Variants in ABI1 observed in about 807,000 individuals in gnomAD.
The protein encoded by ABI1 is abl interactor 1.
Under a neutral mutation model 54.6 loss-of-function variants are expected in ABI1, and 14 were observed. That is an observed-to-expected ratio of 0.26 (90% CI 0.17 to 0.40). ABI1 has a LOEUF of 0.40. Ranked by LOEUF, ABI1 falls within the 10% of genes least tolerant of loss-of-function variation. The pLI, the probability that ABI1 is intolerant of heterozygous loss-of-function variation, is 1.00. For synonymous variants in ABI1, 194 were observed against 209.3 expected (o/e 0.93, Z 0.63); for missense variants, 443 against 598.3 (o/e 0.74, Z 2.71).
chr10:26,807,101 T>C (rs1002045582), intron 2 of ABI1, among the ~76,000 whole-genome samples: 2 of 152,136 alleles, frequency 1.3e-5, no homozygotes, highest in African/African-American at 4.8e-5. Context: ...TCTGCTATAG[T>C]CCTTTAAAAA....
intron 5 of ABI1, among the ~76,000 whole-genome samples, chr10:26,769,601 A>G (rs550654849): frequency 1.1e-4 from 16 of 152,342 alleles, no homozygotes; most frequent in Middle Eastern, 3.4e-3. Flanking sequence ...TTCCAGTATT[A>G]AGAAAAACAA....
chr10:26,807,180 A>G (rs2046928655), intron 2 of ABI1, among the ~76,000 whole-genome samples: 1 of 152,184 alleles, frequency 6.6e-6, no homozygotes. Context: ...CAAACAAAAA[A>G]TGTTTACAGT....
chr10:26,788,314 C>T (rs1368570584), intron 2 of ABI1, among the ~76,000 whole-genome samples: 1 of 152,152 alleles, frequency 6.6e-6, no homozygotes, highest in Non-Finnish European at 1.5e-5. Flanking sequence ...ATGTCTTTAT[C>T]AGCAATGTGA....
chr10:26,761,991 T>A (rs1432575089), intron 7 of ABI1, among the ~76,000 whole-genome samples: 1 of 151,996 alleles, frequency 6.6e-6, no homozygotes, highest in Non-Finnish European at 1.5e-5. Context: ...TCATCATTGA[T>A]CAGTATTTCT....
At chr10:26,789,374 C>T (rs1304414748) in intron 2 of ABI1, among the ~76,000 whole-genome samples, 2 of 152,114 alleles carry the variant, frequency 1.3e-5, no homozygotes, top group South Asian at 2.1e-4. Context: ...GGGGGAATCA[C>T]CTTTTAAAGC....
At chr10:26,833,769 T>TATACACACAC (rs2048841030) in intron 1 of ABI1, among the ~76,000 whole-genome samples, 2 of 150,184 alleles carry the variant, frequency 1.3e-5, no homozygotes, top group African/African-American at 2.5e-5. Context: ...ACAATATTTA[T>TATACACACAC]ACACACACAC....
rs1387779635 is a variant in ABI1 at position 26,755,819 on chromosome 10, GTTACAAGGACCACAAACATAAGTA to G, written c.998-102_998-79del. The G allele has an allele frequency of 3.9e-6, 4 of 1,018,524 alleles. No homozygotes were observed. The Admixed American group carries it at 9.1e-5, about 23-fold the overall frequency. 63.1% of individuals were successfully genotyped at this position (1,018,524 alleles called of 1,614,324 possible). On this transcript the variant is annotated intron_variant, in intron 8 of 10. Transcript: ENST00000376140. ...GGAAACAAACAAAAAGCAGAAGTCA[GTTACAAGGACCACAAACATAAGTA>G]TGCAAAGAACAGTTTGCAAATGAAA...
intron 2 of ABI1, among the ~76,000 whole-genome samples, chr10:26,788,619 C>A (rs1049351542): frequency 6.6e-6 from 1 of 152,088 alleles, no homozygotes; most frequent in Non-Finnish European, 1.5e-5. Flanking sequence ...CATTAAGATA[C>A]CAGCAGTTTG....
intron 1 of ABI1, among the ~76,000 whole-genome samples, chr10:26,830,859 C>T (rs2048624410): frequency 2.0e-5 from 3 of 152,128 alleles, no homozygotes; most frequent in Non-Finnish European, 4.4e-5. Context: ...GCTTGTGCAG[C>T]ATCCATTTCT....
intron 2 of ABI1, among the ~76,000 whole-genome samples, chr10:26,811,258 A>G (rs1380907962): frequency 2.0e-5 from 3 of 152,158 alleles, no homozygotes; most frequent in Non-Finnish European, 1.5e-5. Flanking sequence ...TAGTGCCAAG[A>G]TAAGGCTTTG....
intron 9 of ABI1, among the ~76,000 whole-genome samples, chr10:26,754,948 C>T (rs1052340501): frequency 6.8e-6 from 1 of 146,702 alleles, no homozygotes; most frequent in Admixed American, 6.6e-5. Flanking sequence ...CTTCTCCCCC[C>T]CCACAAAAAA....
intron 2 of ABI1, among the ~76,000 whole-genome samples, chr10:26,802,718 C>T (rs1480198387): frequency 1.3e-5 from 2 of 152,122 alleles, no homozygotes; most frequent in African/African-American, 4.8e-5. Context: ...CAATGTGGAA[C>T]AGAAAGTCAC....
chr10:26,833,867 G>A (rs989446787), intron 1 of ABI1, among the ~76,000 whole-genome samples: 7 of 152,032 alleles, frequency 4.6e-5, no homozygotes, highest in Non-Finnish European at 7.4e-5. Context: ...GGATATTCAT[G>A]CCACCTTTAT....
chr10:26,755,530 T>C (rs1838190134), intron 9 of ABI1, 125 bp downstream of exon 9: 1 of 715,818 alleles, frequency 1.4e-6, no homozygotes, highest in Non-Finnish European at 2.3e-6. Flanking sequence ...TTCAGTAACA[T>C]GTCTGCACCT....
At chr10:26,758,765 C>G (rs1238683875) in intron 8 of ABI1, among the ~76,000 whole-genome samples, 1 of 152,144 alleles carries the variant, frequency 6.6e-6, no homozygotes, top group Non-Finnish European at 1.5e-5. Context: ...TTTTTGTTCT[C>G]TAGTTCTACT....
chr10:26,847,439 T>C (rs939062269), intron 1 of ABI1, among the ~76,000 whole-genome samples: 6 of 152,044 alleles, frequency 3.9e-5, no homozygotes, highest in African/African-American at 1.4e-4. Context: ...CTGGAAAACA[T>C]GGTGAAACCC....
At chr10:26,832,100 C>A (rs2048713163) in intron 1 of ABI1, among the ~76,000 whole-genome samples, 1 of 152,100 alleles carries the variant, frequency 6.6e-6, no homozygotes, top group Non-Finnish European at 1.5e-5. Context: ...GAAAAACAAC[C>A]AAATTCACAT....
At chr10:26,820,320 C>G (rs1364306610) in intron 2 of ABI1, among the ~76,000 whole-genome samples, 2 of 151,476 alleles carry the variant, frequency 1.3e-5, no homozygotes, top group African/African-American at 4.9e-5. Context: ...ATTTTTGTGT[C>G]AATTATAACT....
At chr10:26,778,131 A>C (rs377099722) in intron 2 of ABI1, among the ~76,000 whole-genome samples, 3 of 152,128 alleles carry the variant, frequency 2.0e-5, no homozygotes, top group Non-Finnish European at 4.4e-5. Context: ...TAAGAGAGAA[A>C]AATGGTAAGA....
Sources: gnomAD v4.1 joint callset for allele counts (sites outside exome capture counted in the v4.1 genomes callset) on GRCh38, gnomAD v4.1.1 for gene constraint, MANE v1.5 for transcripts, NCBI Gene and HGNC (gene_info 2026-07-23, HGNC 2026-07-21) for gene names.